The following DNAH14 variants were observed in gnomAD, a reference collection of about 807,000 sequenced individuals.
The protein encoded by DNAH14 is axonemal beta dynein heavy chain 14.
A neutral mutation model predicts 520.9 loss-of-function variants in DNAH14; 478 were observed. That is an observed-to-expected ratio of 0.92 (90% CI 0.85 to 0.99). The LOEUF (loss-of-function observed/expected upper bound fraction) is 0.99, where lower values mean the gene tolerates loss of function less well. DNAH14 is among the 50% of genes least tolerant of loss of function. DNAH14 has a pLI of 0.00. For synonymous variants in DNAH14, 1,581 were observed against 1,757.2 expected, an observed-to-expected ratio of 0.90 and a Z score of 2.51; for missense variants, 4,831 against 5,234.5, an observed-to-expected ratio of 0.92 and a Z score of 2.38.
chr1:225,006,228 A>C (rs2064157519), intron 9 of DNAH14, among the ~76,000 whole-genome samples: 1 of 152,154 alleles, frequency 6.6e-6, no homozygotes, highest in Non-Finnish European at 1.5e-5. Flanking sequence ...CTGAGGATGT[A>C]TGTCCCCTCA....
chr1:225,063,414 G>A (rs1056388380), intron 17 of DNAH14, among the ~76,000 whole-genome samples: 8 of 151,656 alleles, frequency 5.3e-5, no homozygotes, highest in African/African-American at 1.9e-4. Context: ...TAATTTTTTT[G>A]TTGTTTTTTA....
chr1:225,268,168 C>T (rs1264077627), intron 49 of DNAH14, among the ~76,000 whole-genome samples: 2 of 151,866 alleles, frequency 1.3e-5, no homozygotes, highest in South Asian at 2.1e-4. Flanking sequence ...CTTTTTGTTT[C>T]GTTTTGTTTT....
At chr1:225,398,354 A>C (rs2096054812) in intron 84 of DNAH14, among the ~76,000 whole-genome samples, 166 bp from the exon 85 acceptor site, 1 of 152,226 alleles carries the variant, frequency 6.6e-6, no homozygotes, top group Admixed American at 6.5e-5. Flanking sequence ...GTCGTTTTTA[A>C]AGCACTCAGA....
At chr1:225,344,343 A>G (rs1558470202) in intron 69 of DNAH14, among the ~76,000 whole-genome samples, 3 of 151,966 alleles carry the variant, frequency 2.0e-5, no homozygotes, top group South Asian at 2.1e-4. Flanking sequence ...TAAGCCCAGT[A>G]CCCATTAGTT....
In DNAH14 at chr1:225,260,862, G is replaced by T. The variant is rs550398646; in HGVS notation, c.7157+1609G>T. On this transcript the variant is annotated intron_variant, in intron 46 of 85. Coordinates refer to ENST00000682510, the MANE Select transcript of DNAH14 (RefSeq NM_001367479.1). The stretch of plus-strand genomic sequence containing the variant: ...CAATATACAGAATTTTCACCTTCTT[G>T]TTATATTTACCCTTAAGTACTCTTT... Among the ~76,000 whole-genome samples, 149 of 152,012 alleles carry T rather than the reference G, an allele frequency of 9.8e-4. 3 individuals are homozygous for T. In the East Asian group the frequency reaches 0.027, roughly 27 times the overall value.
In DNAH14 at chr1:225,144,511, G is replaced by A. The variant is rs73133596; in HGVS notation, c.4623G>A (p.Thr1541=). 2,856 of 1,551,340 alleles carry A rather than the reference G, an allele frequency of 1.8e-3. 42 individuals carry two copies. The African/African-American group carries it at 0.034, about 19-fold the overall frequency. ...GCTGTACCTCAAGATTGGTTATTAC[G>A]CCTCTCACAGACCGATGCTGGCTGA... The part of the protein sequence containing the change: ...YLGCTSRLVI[T]PLTDRCWLTL... Residue 1541 remains threonine, a synonymous_variant, in exon 29 of 86, where the codon ACG becomes ACA. Transcript: ENST00000682510.
intron 55 of DNAH14, 96 bp from the exon 56 acceptor site, chr1:225,300,773 A>T: frequency 2.4e-6 from 3 of 1,275,490 alleles, no homozygotes; most frequent in Non-Finnish European, 3.2e-6. Context: ...AGTTCTCCTT[A>T]ATCACTGTTG....
intron 23 of DNAH14, among the ~76,000 whole-genome samples, chr1:225,111,158 C>G (rs1179912268): frequency 6.6e-6 from 1 of 151,918 alleles, no homozygotes; most frequent in Non-Finnish European, 1.5e-5. Context: ...AGATTAATTC[C>G]AATGTTTCTT....
intron 51 of DNAH14, 140 bp downstream of exon 51, chr1:225,272,213 G>A: frequency 2.6e-6 from 2 of 755,662 alleles, no homozygotes; most frequent in Non-Finnish European, 4.1e-6. Context: ...TATCTCATGA[G>A]TTAGTTGAAG....
At chr1:225,299,002 T>C (rs1395024789) in intron 55 of DNAH14, among the ~76,000 whole-genome samples, 1 of 152,170 alleles carries the variant, frequency 6.6e-6, no homozygotes, top group East Asian at 1.9e-4. Flanking sequence ...TCACCACAGG[T>C]ACCTCTCCAT....
intron 81 of DNAH14, among the ~76,000 whole-genome samples, chr1:225,387,658 A>G (rs561789438): frequency 6.6e-6 from 1 of 152,204 alleles, no homozygotes; most frequent in South Asian, 2.1e-4. Context: ...CTAGGGGAGA[A>G]AGCAGGAGGA....
intron 43 of DNAH14, among the ~76,000 whole-genome samples, chr1:225,243,609 C>T (rs79074938): frequency 0.049 from 7,452 of 151,654 alleles, 285 homozygotes; most frequent in Non-Finnish European, 0.073. Flanking sequence ...AATTACGGAA[C>T]AACATGTAGA....
chr1:225,344,003 G>A (rs1359654321), intron 69 of DNAH14, among the ~76,000 whole-genome samples: 4 of 152,188 alleles, frequency 2.6e-5, no homozygotes, highest in African/African-American at 9.6e-5. Context: ...AGGGGTTTAA[G>A]ATAACACACA....
At chr1:225,306,554 C>T (rs2094246558) in intron 58 of DNAH14, among the ~76,000 whole-genome samples, 1 of 152,120 alleles carries the variant, frequency 6.6e-6, no homozygotes, top group South Asian at 2.1e-4. Flanking sequence ...TCTAAGGTGT[C>T]CCCTCCCCAT....
chr1:224,944,391 A>C (rs1278992796), intron 1 of DNAH14, among the ~76,000 whole-genome samples: 2 of 152,068 alleles, frequency 1.3e-5, no homozygotes, highest in Non-Finnish European at 2.9e-5. Context: ...GTGTCTCTGC[A>C]CGTGAGATGG....
At chr1:225,127,801 T>C (rs1018515791) in intron 27 of DNAH14, among the ~76,000 whole-genome samples, 30 of 152,256 alleles carry the variant, frequency 2.0e-4, no homozygotes, top group African/African-American at 7.2e-4. Context: ...TTCTTCCTAG[T>C]CTCGATGATC....
At chr1:225,279,889 A>C (rs2149907457) in intron 54 of DNAH14, among the ~76,000 whole-genome samples, 1 of 151,214 alleles carries the variant, frequency 6.6e-6, no homozygotes, top group East Asian at 1.9e-4. Flanking sequence ...TATACTCAAA[A>C]AGCCTAAAGG....
intron 80 of DNAH14, among the ~76,000 whole-genome samples, 185 bp downstream of exon 80, chr1:225,380,507 G>A (rs921288428): frequency 1.3e-5 from 2 of 152,180 alleles, no homozygotes; most frequent in African/African-American, 2.4e-5. Flanking sequence ...AGAAAATCAC[G>A]CTTTAGTTTG....
intron 2 of DNAH14, 57 bp downstream of exon 2, chr1:224,952,836 A>G (rs1434347790): frequency 2.3e-6 from 3 of 1,308,294 alleles, no homozygotes; most frequent in South Asian, 1.4e-5. Flanking sequence ...TCAGCAGTGT[A>G]TGGCTGGTGG....
Sources: allele counts gnomAD v4.1 joint callset (sites outside exome capture counted in the v4.1 genomes callset), GRCh38; gene constraint gnomAD v4.1.1; transcripts MANE v1.5; gene names NCBI Gene and HGNC (gene_info 2026-07-23, HGNC 2026-07-21).